Variants in RIMBP2 observed in about 807,000 individuals in gnomAD.
RIMBP2 encodes RIMS binding protein 2.
RIMBP2 carries 48 observed loss-of-function variants against 118.6 expected under a neutral mutation model. The ratio of observed to expected loss-of-function variants is 0.40; its 90% CI spans 0.32 to 0.51. The LOEUF is 0.51. Ranked by LOEUF, RIMBP2 falls within the 20% of genes least tolerant of loss-of-function variation. RIMBP2 has a pLI of 0.41. For synonymous variants in RIMBP2, 762 were observed against 742.9 expected (o/e 1.03, Z -0.42); for missense variants, 1,551 against 1,768.3 (o/e 0.88, Z 2.20).
In RIMBP2 at chr12:130,434,634, A is replaced by G; in HGVS notation, c.2253+100T>C. On this transcript the variant is annotated intron_variant, in intron 14 of 22. Coordinates refer to ENST00000690449, the MANE Select transcript of RIMBP2 (RefSeq NM_001393629.1). The surrounding 1 kb of genome is among the most constrained non-coding windows in gnomAD (Gnocchi z 5.7). ...GCGTCTCCATCTCTCTCAGGGACCC[A>G]AGGGTAGCGGGGAAAGTGCCCATGT... The G allele has an allele frequency of 7.5e-7, 1 of 1,325,562 alleles. No individual in the cohort carries two copies. 82.1% of individuals were successfully genotyped at this position (1,325,562 alleles called of 1,614,324 possible).
At chr12:130,476,730 C>T (rs7971234) in intron 5 of RIMBP2, among the ~76,000 whole-genome samples, 49,641 of 152,126 alleles carry the variant, frequency 0.33, 9,257 homozygotes, top group East Asian at 0.4. Context: ...TCTCAACTCC[C>T]TTCACCCCTT....
At chr12:130,611,995 T>G (rs1333093473) in intron 2 of RIMBP2, among the ~76,000 whole-genome samples, 2 of 152,142 alleles carry the variant, frequency 1.3e-5, no homozygotes, top group Non-Finnish European at 2.9e-5. Context: ...ATGTCCTGGA[T>G]AGTTAAGGCG....
At chr12:130,615,272 C>CATATATATATATATAT (rs1555309104) in intron 2 of RIMBP2, among the ~76,000 whole-genome samples, 1,215 of 38,480 alleles carry the variant, frequency 0.032, 18 homozygotes, top group Non-Finnish European at 0.041. Flanking sequence ...ACATAATACA[C>CATATATATATATATAT]ATACATATAT....
chr12:130,414,089 G>A, intron 18 of RIMBP2, 36 bp downstream of exon 18: 1 of 1,609,766 alleles, frequency 6.2e-7, no homozygotes, highest in Non-Finnish European at 8.5e-7. Flanking sequence ...CCGCCTCAGG[G>A]GCTGATGAAG....
intron 6 of RIMBP2, among the ~76,000 whole-genome samples, chr12:130,466,633 T>C (rs926733532): frequency 3.3e-5 from 5 of 152,140 alleles, no homozygotes; most frequent in African/African-American, 1.2e-4. Context: ...CTAAATAAGA[T>C]AGCCGCAAAG....
chr12:130,686,124 G>A (rs114599372), intron 1 of RIMBP2, among the ~76,000 whole-genome samples: 4,538 of 152,226 alleles, frequency 0.03, 231 homozygotes, highest in African/African-American at 0.1. Context: ...GAAAACCCAG[G>A]CTGCCTGGCC....
chr12:130,416,346 A>G (rs1368707870), intron 17 of RIMBP2, among the ~76,000 whole-genome samples: 1 of 152,240 alleles, frequency 6.6e-6, no homozygotes, highest in African/African-American at 2.4e-5. Context: ...TACAGTCACT[A>G]TAATAGCATG....
intron 2 of RIMBP2, among the ~76,000 whole-genome samples, chr12:130,549,286 TACG>T (rs2055497944): frequency 1.3e-5 from 2 of 152,234 alleles, no homozygotes; most frequent in Non-Finnish European, 2.9e-5. Context: ...GGGGGAATGA[TACG>T]ACGACAGTTT....
At chr12:130,664,277 CAT>C (rs1280271339) in intron 1 of RIMBP2, among the ~76,000 whole-genome samples, 4 of 151,634 alleles carry the variant, frequency 2.6e-5, no homozygotes, top group Non-Finnish European at 4.4e-5. Context: ...TGGAATAAAA[CAT>C]GTGCGGTTAA....
rs201496135 is a variant in RIMBP2, at chr12:130,521,698, G to C, written c.-216-3781C>G. Among the ~76,000 whole-genome samples the C allele has an allele frequency of 2.6e-5, 4 of 152,308 alleles. No homozygotes were observed. In the East Asian group the frequency reaches 5.8e-4, roughly 22 times the overall value. ...ATGACTCCCACACTGCTGGGACCCT[G>C]ACGGGGAGAACTTTCTGAGCTCCAG... On this transcript the variant is annotated intron_variant, in intron 2 of 22. Transcript: ENST00000690449.
At chr12:130,445,019 A>G (rs2078411538) in intron 10 of RIMBP2, 141 bp downstream of exon 10, 1 of 556,740 alleles carries the variant, frequency 1.8e-6, no homozygotes, top group Non-Finnish European at 3.2e-6. Context: ...GTAACTACGG[A>G]GTGGGGAAGG....
chr12:130,531,647 G>T (rs2139336037), intron 2 of RIMBP2, among the ~76,000 whole-genome samples: 1 of 152,284 alleles, frequency 6.6e-6, no homozygotes, highest in South Asian at 2.1e-4. Context: ...ACGTTTTCTT[G>T]GAGGCACATG....
At chr12:130,659,942 C>T (rs1214529955) in intron 1 of RIMBP2, 1 of 151,104 alleles carries the variant, frequency 6.6e-6, no homozygotes, top group Non-Finnish European at 1.5e-5. Context: ...TCACTGCACT[C>T]CAGCCTGGGT....
intron 2 of RIMBP2, among the ~76,000 whole-genome samples, chr12:130,610,458 A>G (rs2060455981): frequency 6.6e-6 from 1 of 152,228 alleles, no homozygotes; most frequent in Non-Finnish European, 1.5e-5. Flanking sequence ...CTCTTTGATA[A>G]ATAAAAACAA....
chr12:130,517,269 A>G (rs7979668), intron 3 of RIMBP2, among the ~76,000 whole-genome samples: 94,073 of 151,944 alleles, frequency 0.62, 30,223 homozygotes, highest in African/African-American at 0.78. Flanking sequence ...GCCGCGGGGC[A>G]CCCTATACCA....
Position 130,582,504 on chromosome 12 carries a change from G to A in RIMBP2, c.-217+45818C>T, listed in dbSNP as rs558887857. Among the ~76,000 whole-genome samples the A allele has an allele frequency of 3.7e-3, 569 of 152,330 alleles. 1 individual carries two copies. Among genetic ancestry groups the A allele is most frequent in the African/African-American group, 0.013 (553 of 41,580 alleles). The stretch of plus-strand genomic sequence containing the variant: ...CAGGAAGCATGCATCCCCCAAGAGG[G>A]ATGACGCATGGCACCATGAGCGGCT... On this transcript the variant is annotated intron_variant, in intron 2 of 22. Transcript: ENST00000690449.
At chr12:130,493,956 G>C (rs779118300) in intron 4 of RIMBP2, among the ~76,000 whole-genome samples, 2 of 152,300 alleles carry the variant, frequency 1.3e-5, no homozygotes, top group South Asian at 4.1e-4. Context: ...CAGGTGGCCC[G>C]ACAGGCACTG....
At chr12:130,651,418 T>C (rs1266133720) in intron 1 of RIMBP2, 1 of 152,204 alleles carries the variant, frequency 6.6e-6, no homozygotes, top group African/African-American at 2.4e-5. Flanking sequence ...CAAGGCAGGG[T>C]GCTGAGCCTG....
At chr12:130,488,255 G>A (rs1288122836) in intron 4 of RIMBP2, among the ~76,000 whole-genome samples, 3 of 152,062 alleles carry the variant, frequency 2.0e-5, no homozygotes, top group East Asian at 1.9e-4. Flanking sequence ...AGTTAGTCAC[G>A]CAGCTATAAT....
Sources: allele counts gnomAD v4.1 joint callset (sites outside exome capture counted in the v4.1 genomes callset), GRCh38; gene constraint gnomAD v4.1.1; non-coding constraint Gnocchi (gnomAD v3.1); transcripts MANE v1.5; gene names NCBI Gene and HGNC (gene_info 2026-07-23, HGNC 2026-07-21).